The following FXN variants were observed in gnomAD, a reference collection of about 807,000 sequenced individuals.
The protein encoded by FXN is frataxin, also known as frataxin, mitochondrial.
A neutral mutation model predicts 22.4 loss-of-function variants in FXN; 14 were observed. The observed-to-expected ratio is 0.62, with a 90% confidence interval of 0.41 to 0.98. FXN has a LOEUF of 0.98. Ranked by LOEUF, FXN falls within the 50% of genes least tolerant of loss-of-function variation. FXN has a pLI of 0.00. For synonymous variants in FXN, 120 were observed against 114.1 expected, an observed-to-expected ratio of 1.05 and a Z score of -0.33; for missense variants, 267 against 268.4, an observed-to-expected ratio of 0.99 and a Z score of 0.04.
At chr9:69,044,176 G>C (rs9411170) in intron 1 of FXN, among the ~76,000 whole-genome samples, 71,661 of 152,076 alleles carry the variant, frequency 0.47, 17,101 homozygotes, top group Middle Eastern at 0.59. Context: ...TGCTCGTTGA[G>C]TGTTTGTGGC....
intron 4 of FXN, among the ~76,000 whole-genome samples, chr9:69,070,044 C>T (rs1832246215): frequency 1.3e-5 from 2 of 152,028 alleles, no homozygotes; most frequent in African/African-American, 4.8e-5. Context: ...GCCTGGGCAA[C>T]ATGGTGAAAC....
rs7874105 is a variant in FXN, at chr9:69,077,164, C to G, written c.*4402C>G. 0.46 allele frequency: 381,756 copies of G among 826,428 alleles called. 89,423 individuals are homozygous for G. Among genetic ancestry groups the G allele is most frequent in the East Asian group, 0.64 (5,081 of 7,902 alleles). The allele number at this position is 826,428 out of a possible 1,614,324, so 51.2% of individuals were successfully genotyped here. A position where few individuals can be genotyped will look rare whatever the true frequency, so the allele number is the denominator to read the frequency against. On this transcript the variant is annotated 3_prime_UTR_variant, in exon 5 of 5. Transcript: ENST00000484259. The stretch of plus-strand genomic sequence containing the variant: ...CCTGACCTAGTAATCCACCTGCCTC[C>G]GCCTCCCAAAGTGCTGGGATTACAG...
At chr9:69,037,543 A>G (rs1001368500) in intron 1 of FXN, among the ~76,000 whole-genome samples, 16 of 152,218 alleles carry the variant, frequency 1.1e-4, no homozygotes, top group African/African-American at 3.1e-4. Context: ...AAGTGTGGCC[A>G]TGATGGTCCT....
At chr9:69,045,449 C>T (rs1471659956) in intron 1 of FXN, among the ~76,000 whole-genome samples, 3 of 151,898 alleles carry the variant, frequency 2.0e-5, no homozygotes, top group South Asian at 2.1e-4. Flanking sequence ...TACAAAAAAT[C>T]GGGTGCGGTG....
At chr9:69,064,268 G>C (rs1319635469) in intron 3 of FXN, among the ~76,000 whole-genome samples, 2 of 152,186 alleles carry the variant, frequency 1.3e-5, no homozygotes, top group Admixed American at 1.3e-4. Context: ...GCATTTATTG[G>C]TCAAAGATGC....
intron 3 of FXN, among the ~76,000 whole-genome samples, chr9:69,059,148 A>G (rs1832018673): frequency 6.6e-6 from 1 of 152,164 alleles, no homozygotes; most frequent in Non-Finnish European, 1.5e-5. Flanking sequence ...TTTGCCTTAA[A>G]CTTGGTTTGA....
Position 69,077,317 on chromosome 9 carries a change from A to G in FXN, c.*4555A>G. 3 of 985,402 alleles carry G rather than the reference A, an allele frequency of 3.0e-6. No homozygotes were observed. Among genetic ancestry groups the G allele is most frequent in the Non-Finnish European group, 3.6e-6 (3 of 829,906 alleles). The allele number at this position is 985,402 out of a possible 1,614,324, so 61.0% of individuals were successfully genotyped here. On this transcript the variant is annotated 3_prime_UTR_variant, in exon 5 of 5. Transcript: ENST00000484259. Reference sequence around the variant, plus strand: ...CTTTGGAATGTGTAAAACTCAGCTCACTTATATCCCTGCATCCGCTACAGA... The same window carrying G: ...CTTTGGAATGTGTAAAACTCAGCTCGCTTATATCCCTGCATCCGCTACAGA...
chr9:69,045,612 CA>C (rs1239294302), intron 1 of FXN, among the ~76,000 whole-genome samples: 4 of 148,140 alleles, frequency 2.7e-5, no homozygotes, highest in African/African-American at 5.0e-5. Flanking sequence ...AAACAAAAAC[CA>C]AAAAAAAAAA....
chr9:69,075,387 G>C lies in FXN; in HGVS notation c.*2625G>C, dbSNP rs999874381. 1.3e-5 allele frequency: 9 copies of C among 715,638 alleles called. No individual in the cohort carries two copies. Among genetic ancestry groups the C allele is most frequent in the Admixed American group, 1.3e-4 (2 of 15,850 alleles). 44.3% of individuals were successfully genotyped at this position (715,638 alleles called of 1,614,324 possible). A position where few individuals can be genotyped will look rare whatever the true frequency, so the allele number is the denominator to read the frequency against. On this transcript the variant is annotated 3_prime_UTR_variant, in exon 5 of 5. Transcript: ENST00000484259. The stretch of plus-strand genomic sequence containing the variant: ...AGGCAGGAGAATCGCTGTAACCTGG[G>C]GGGTGGAGGTTGCAGTGAGACGAGA...
At chr9:69,045,462 G>A (rs751905776) in intron 1 of FXN, among the ~76,000 whole-genome samples, 2 of 152,024 alleles carry the variant, frequency 1.3e-5, no homozygotes, top group Non-Finnish European at 2.9e-5. Context: ...GTGCGGTGGC[G>A]GGTGCCTGTA....
Position 69,078,041 on chromosome 9 carries a change from A to C in FXN, c.*5279A>C. 2 of 985,426 alleles carry C rather than the reference A, an allele frequency of 2.0e-6. No individual in the cohort carries two copies. Among genetic ancestry groups the C allele is most frequent in the Non-Finnish European group, 2.4e-6 (2 of 829,912 alleles). The allele number at this position is 985,426 out of a possible 1,614,324, so 61.0% of individuals were successfully genotyped here. A position where few individuals can be genotyped will look rare whatever the true frequency, so the allele number is the denominator to read the frequency against. On this transcript the variant is annotated 3_prime_UTR_variant, in exon 5 of 5. Coordinates refer to ENST00000484259, the MANE Select transcript of FXN (RefSeq NM_000144.5). ...CATTCCTTTCCTACCGCACTCTATG[A>C]TGCTAGCTGAGATTTTTCCAAAAGA...
At position 69,061,302 on chromosome 9, in the gene FXN, T is replaced by C. The variant is rs531497769; in HGVS notation, c.385-3636T>C. The stretch of plus-strand genomic sequence containing the variant: ...TTGAGCACGCATCTGCCCCTAGTTC[T>C]TGCCCTGAGTCCTCGAAGGAGGCAG... On this transcript the variant is annotated intron_variant, in intron 3 of 4. Transcript: ENST00000484259. Among the ~76,000 whole-genome samples the C allele has an allele frequency of 9.5e-4, 145 of 152,270 alleles. 1 individual carries two copies. Among genetic ancestry groups the C allele is most frequent in the African/African-American group, 3.4e-3 (140 of 41,564 alleles).
chr9:69,041,314 G>A lies in FXN; in HGVS notation c.166-5071G>A, dbSNP rs1490793472. Among the ~76,000 whole-genome samples the A allele has an allele frequency of 5.9e-5, 9 of 152,140 alleles. No individual in the cohort carries two copies. In the South Asian group the frequency reaches 6.2e-4, roughly 11 times the overall value. On this transcript the variant is annotated intron_variant, in intron 1 of 4. Transcript: ENST00000484259. ...CTTTTGTTCAACACTGTTTTTGTGC[G>A]TCATCTGCATTGATGCATGCAGTTG...
At chr9:69,066,873 T>A (rs901222824) in intron 4 of FXN, among the ~76,000 whole-genome samples, 5 of 149,316 alleles carry the variant, frequency 3.3e-5, no homozygotes, top group African/African-American at 1.2e-4. Flanking sequence ...AAAAAAAATA[T>A]ATATATATAT....
At position 69,037,284 on chromosome 9, in the gene FXN, A is replaced by AAAAAAG. The variant is rs544093183; in HGVS notation, c.165+1339_165+1340insAAAGAA. ...ACTAAAAAATACAAAAAAAAAAAAA[A>AAAAAAG]AAGAAGAAGAAGAAGAAGAAAATAA... On this transcript the variant is annotated intron_variant, in intron 1 of 4. Transcript: ENST00000484259. Among the ~76,000 whole-genome samples the AAAAAAG allele has an allele frequency of 7.4e-4, 58 of 78,050 alleles. 1 individual carries two copies. Among genetic ancestry groups the AAAAAAG allele is most frequent in the African/African-American group, 2.5e-3 (53 of 21,156 alleles). 51.2% of individuals were successfully genotyped at this position (78,050 alleles called of 152,430 possible).
chr9:69,064,972 TA>T lies in FXN; in HGVS notation c.420del (p.Gly141GlufsTer4), dbSNP rs1489366690. 6.2e-7 allele frequency: 1 copy of T among 1,614,076 alleles called. No individual in the cohort carries two copies. Among genetic ancestry groups the T allele is most frequent in the Admixed American group, 1.7e-5 (1 of 60,010 alleles). On this transcript the variant is annotated frameshift_variant, in exon 4 of 5. Transcript: ENST00000484259. LOFTEE classifies it high-confidence loss of function. ...TTAACTGTCAAACTGGGTGGAGATC[TA>T]GGAACCTATGTGATCAACAAGCAGA... The part of the protein sequence containing the change: ...GVLTVKLGGD[L>X]GTYVINKQTP...
At chr9:69,062,679 T>A (rs1468217219) in intron 3 of FXN, among the ~76,000 whole-genome samples, 1 of 152,078 alleles carries the variant, frequency 6.6e-6, no homozygotes, top group Non-Finnish European at 1.5e-5. Flanking sequence ...ATCTTTTTTT[T>A]AGTCAAAATC....
rs144610605 is a variant in FXN, at chr9:69,072,677, A to T, written c.548A>T (p.His183Leu). The T allele has an allele frequency of 6.2e-7, 1 of 1,614,198 alleles. No individual in the cohort carries two copies. Among genetic ancestry groups the T allele is most frequent in the Non-Finnish European group, 8.5e-7 (1 of 1,180,040 alleles). ...TACTCCCACGACGGCGTGTCCCTCCATGAGCTGCTGGCCGCAGAGCTCACT... is the reference window on the plus strand; with the variant it reads ...TACTCCCACGACGGCGTGTCCCTCCTTGAGCTGCTGGCCGCAGAGCTCACT... ...WVYSHDGVSLHELLAAELTKA... is the reference protein window; with the variant it reads ...WVYSHDGVSLLELLAAELTKA... The change falls in exon 5 of 5, where the codon CAT becomes CTT. Residue 183 changes from histidine (H) to leucine (L), a missense_variant. His to Leu is a moderately conservative substitution (Grantham distance 99). Transcript: ENST00000484259.
chr9:69,041,062 T>TA (rs1831649191), intron 1 of FXN, among the ~76,000 whole-genome samples: 1 of 152,190 alleles, frequency 6.6e-6, no homozygotes, highest in Non-Finnish European at 1.5e-5. Context: ...AAATAACAAA[T>TA]ACTTGTATCC....
Sources: gnomAD v4.1 joint callset for allele counts (sites outside exome capture counted in the v4.1 genomes callset) on GRCh38, gnomAD v4.1.1 for gene constraint, MANE v1.5 for transcripts, NCBI Gene and HGNC (gene_info 2026-07-23, HGNC 2026-07-21) for gene names.